The following MICAL3 variants were observed in gnomAD, a reference collection of about 807,000 sequenced individuals.
MICAL3 encodes microtubule associated monooxygenase, calponin and LIM domain containing 3, also known as [F-actin]-monooxygenase MICAL3.
MICAL3 carries 62 observed loss-of-function variants against 207.4 expected under a neutral mutation model. The observed-to-expected ratio is 0.30, with a 90% CI of 0.24 to 0.37. The LOEUF is 0.37. MICAL3 is among the 10% of genes least tolerant of loss of function. The pLI, the probability that MICAL3 is intolerant of heterozygous loss-of-function variation, is 1.00. For synonymous variants in MICAL3, 1,077 were observed against 1,069.3 expected, an observed-to-expected ratio of 1.01 and a Z score of -0.14; for missense variants, 2,368 against 2,635.6, an observed-to-expected ratio of 0.90 and a Z score of 2.22.
chr22:17,902,681 T>C lies in MICAL3; in HGVS notation c.539A>G (p.Asn180Ser), dbSNP rs531743473. Residue 180 changes from asparagine (N) to serine (S), a missense_variant, in exon 4 of 32, where the codon AAT (asparagine) becomes AGT (serine). This residue lies in a region of MICAL3 where 400 missense variants were observed against 547.0 expected (regional missense o/e 0.73). Transcript: ENST00000441493. The surrounding 1 kb of genome is among the most constrained non-coding windows in gnomAD (Gnocchi z 4.5). ...CTGTATAAGTCCTTGGAATTCCACA[T>C]TGACGTGGATTTCAATGCCTAGGAT... ...ALILGIEIHV[N>S]VEFQGLIQPP... 2.0e-5 allele frequency: 32 copies of C among 1,607,986 alleles called. No homozygotes were observed. Among genetic ancestry groups the C allele is most frequent in the Admixed American group, 1.0e-4 (6 of 59,314 alleles).
At chr22:17,836,197 C>G (rs415170) in intron 20 of MICAL3, among the ~76,000 whole-genome samples, 56,353 of 152,112 alleles carry the variant, frequency 0.37, 11,239 homozygotes, top group African/African-American at 0.53. Flanking sequence ...TGCTCCACTT[C>G]ACGTGCTCTG....
At chr22:17,959,141 G>A (rs1266780822) in intron 1 of MICAL3, among the ~76,000 whole-genome samples, 4 of 146,456 alleles carry the variant, frequency 2.7e-5, no homozygotes, top group African/African-American at 7.6e-5. Context: ...TCAGCCTCCC[G>A]AGTAGCTGAG....
At chr22:17,873,610 A>G (rs1927948433) in intron 16 of MICAL3, among the ~76,000 whole-genome samples, 1 of 151,914 alleles carries the variant, frequency 6.6e-6, no homozygotes, top group Non-Finnish European at 1.5e-5. Context: ...CCACCAGCCC[A>G]GGAAGGTGGG....
At chr22:18,013,553 T>A (rs1407129552) in intron 1 of MICAL3, among the ~76,000 whole-genome samples, 1 of 151,920 alleles carries the variant, frequency 6.6e-6, no homozygotes, top group East Asian at 1.9e-4. Context: ...TGACTTCAAA[T>A]CCCCACTTCC....
At chr22:17,950,433 G>C (rs1361391932) in intron 1 of MICAL3, among the ~76,000 whole-genome samples, 1 of 142,772 alleles carries the variant, frequency 7.0e-6, no homozygotes, top group Non-Finnish European at 1.5e-5. Flanking sequence ...TCCGCCTCCT[G>C]GGTTCAAGCA....
intron 20 of MICAL3, among the ~76,000 whole-genome samples, chr22:17,835,050 C>T (rs891722484): frequency 2.6e-5 from 4 of 152,214 alleles, no homozygotes; most frequent in African/African-American, 9.6e-5. Context: ...CCTGTCCTCA[C>T]CCTGCGCCAT....
intron 1 of MICAL3, chr22:18,007,019 G>C (rs1042475719): frequency 8.7e-5 from 13 of 149,524 alleles, no homozygotes; most frequent in Admixed American, 6.1e-4. Flanking sequence ...ATCATGCCCG[G>C]CTAATTTTTG....
At position 17,816,697 on chromosome 22, in the gene MICAL3, C is replaced by T. The variant is rs371090779; in HGVS notation, c.5438G>A (p.Arg1813Gln). The T allele has an allele frequency of 2.4e-5, 38 of 1,552,622 alleles. No homozygotes were observed. The highest frequency in any genetic ancestry group is 1.7e-4 in the East Asian group (7 of 41,038). ...CCCTGCCTGACTACCCACCTCTCGC[C>T]GGGACTTCTGTGAGGACTTCTCAAG... ...DVLEKSSQKS[R>Q]REPRTYTEEE... is the part of the protein sequence containing the mutation. The change falls in exon 27 of 32, where the codon CGG (arginine) becomes CAG (glutamine). Residue 1813 changes from arginine to glutamine, a missense_variant. Around this residue, in one of 4 missense-constraint regions of MICAL3, gnomAD observed 1,770 missense variants for 1,863.2 expected, o/e 0.95. Coordinates refer to ENST00000441493, the MANE Select transcript of MICAL3 (RefSeq NM_015241.3).
At chr22:17,933,697 GA>G (rs1933380004) in intron 1 of MICAL3, among the ~76,000 whole-genome samples, 1 of 152,036 alleles carries the variant, frequency 6.6e-6, no homozygotes, top group Non-Finnish European at 1.5e-5. Context: ...CTGGTTTTTT[GA>G]AACGATCAAC....
intron 21 of MICAL3, among the ~76,000 whole-genome samples, chr22:17,830,266 C>T (rs1922661481): frequency 6.6e-6 from 1 of 152,118 alleles, no homozygotes; most frequent in Non-Finnish European, 1.5e-5. Context: ...GCACAGGCAC[C>T]GTCGGCTGCC....
At chr22:17,947,144 G>A (rs1475742033) in intron 1 of MICAL3, among the ~76,000 whole-genome samples, 1 of 152,210 alleles carries the variant, frequency 6.6e-6, no homozygotes, top group African/African-American at 2.4e-5. Flanking sequence ...CACATGGCTG[G>A]ATTGGCCCCC....
intron 19 of MICAL3, 178 bp from the exon 20 acceptor site, chr22:17,842,195 A>C (rs924769242): frequency 4.8e-6 from 3 of 620,960 alleles, no homozygotes; most frequent in Admixed American, 2.8e-5. Context: ...AGGGAATTTC[A>C]CTCTGCAGGA....
chr22:17,867,875 C>T (rs1483353722), intron 17 of MICAL3, among the ~76,000 whole-genome samples: 1 of 152,186 alleles, frequency 6.6e-6, no homozygotes, highest in African/African-American at 2.4e-5. Flanking sequence ...TTCATTTCTT[C>T]CTTCTATTTT....
intron 2 of MICAL3, among the ~76,000 whole-genome samples, chr22:17,906,171 C>T (rs1931702119): frequency 6.6e-6 from 1 of 152,228 alleles, no homozygotes; most frequent in African/African-American, 2.4e-5. Flanking sequence ...TGCCACTTGA[C>T]TTTGGTTGTT....
At chr22:17,965,399 C>G (rs900855856) in intron 1 of MICAL3, among the ~76,000 whole-genome samples, 4 of 152,224 alleles carry the variant, frequency 2.6e-5, no homozygotes, top group Admixed American at 6.5e-5. Flanking sequence ...GATTAGAGAC[C>G]ATTTCTTACC....
At chr22:17,834,684 T>G (rs1602008371) in intron 20 of MICAL3, 17 of 772,024 alleles carry the variant, frequency 2.2e-5, no homozygotes, top group Non-Finnish European at 2.2e-5. Context: ...GGAGGAGAGG[T>G]CGAAAGTGGG....
At chr22:17,817,282 C>A in intron 26 of MICAL3, 29 bp downstream of exon 26, 1 of 1,556,112 alleles carries the variant, frequency 6.4e-7, no homozygotes, top group African/African-American at 1.4e-5. Context: ...TCCCGCTCTG[C>A]CTGCACGCGG....
chr22:17,996,197 T>C (rs1032663989), intron 1 of MICAL3, among the ~76,000 whole-genome samples: 2 of 149,670 alleles, frequency 1.3e-5, no homozygotes, highest in African/African-American at 4.9e-5. Flanking sequence ...CCCAACACTT[T>C]GGGAGGCCGA....
intron 29 of MICAL3, among the ~76,000 whole-genome samples, chr22:17,795,661 G>A (rs1009442451): frequency 6.6e-6 from 1 of 152,230 alleles, no homozygotes; most frequent in African/African-American, 2.4e-5. Flanking sequence ...AGCCAAAAAG[G>A]CTTTCTCCTA....
Sources: gnomAD v4.1 joint callset for allele counts (sites outside exome capture counted in the v4.1 genomes callset) on GRCh38, gnomAD v4.1.1 for gene constraint, gnomAD v4.1.1 regional missense constraint, Gnocchi (gnomAD v3.1) non-coding constraint, MANE v1.5 for transcripts, NCBI Gene and HGNC (gene_info 2026-07-23, HGNC 2026-07-21) for gene names.